LRRC14: variants seen among roughly 807,000 people sequenced by gnomAD.
LRRC14 encodes the protein leucine rich repeat containing 14.
In LRRC14, 16 loss-of-function variants were observed where a neutral mutation model predicts 25.3. The ratio of observed to expected loss-of-function variants is 0.63; its 90% CI spans 0.43 to 0.96. The LOEUF (loss-of-function observed/expected upper bound fraction) is 0.96, where lower values mean the gene tolerates loss of function less well. Ranked by LOEUF, LRRC14 falls within the 40% of genes least tolerant of loss-of-function variation. The pLI is 0.00. For missense variants in LRRC14, 594 were observed against 660.5 expected, an observed-to-expected ratio of 0.90 and a Z score of 1.10; for synonymous variants, 359 against 295.1, an observed-to-expected ratio of 1.22 and a Z score of -2.22.
chr8:144,519,896 G>A lies in LRRC14; in HGVS notation c.171G>A (p.Pro57=), dbSNP rs140702712. 2.1e-5 allele frequency: 34 copies of A among 1,613,280 alleles called. No individual in the cohort carries two copies. The highest frequency in any genetic ancestry group is 1.9e-4 in the South Asian group (17 of 91,088). ...AGTTGGTACACACGTGGCCCTTCCCGCTGCTCAGTTTCCAGCAGCTGCTAC... is the reference window on the plus strand; with the variant it reads ...AGTTGGTACACACGTGGCCCTTCCCACTGCTCAGTTTCCAGCAGCTGCTAC... The part of the protein sequence containing the change: ...LRELVHTWPF[P]LLSFQQLLQE... The change falls in exon 2 of 4, where the codon CCG becomes CCA. Residue 57 remains proline (P), a synonymous_variant. Coordinates refer to ENST00000292524, the MANE Select transcript of LRRC14 (RefSeq NM_014665.4).
chr8:144,520,183 G>A, intron 2 of LRRC14, 55 bp from the exon 3 acceptor site: 3 of 1,580,514 alleles, frequency 1.9e-6, no homozygotes, highest in Non-Finnish European at 1.7e-6. Flanking sequence ...AGGTGGCTGG[G>A]AGGGGGTATG....
chr8:144,522,510 C>T lies in LRRC14; in HGVS notation c.*1032C>T, dbSNP rs771935827. 36 of 1,498,710 alleles carry T rather than the reference C, an allele frequency of 2.4e-5. 1 individual carries two copies. In the South Asian group the frequency reaches 4.6e-4, roughly 19 times the overall value. 92.8% of individuals were successfully genotyped at this position (1,498,710 alleles called of 1,614,324 possible). A position where few individuals can be genotyped will look rare whatever the true frequency, so the allele number is the denominator to read the frequency against. ...ATCTCGTAGGCGACCGGCGGGGGCA[C>T]GCGGAGTCCCGGCCCCGCCCCCTGT... On this transcript the variant is annotated 3_prime_UTR_variant, in exon 4 of 4. Coordinates refer to ENST00000292524, the MANE Select transcript of LRRC14 (RefSeq NM_014665.4).
Position 144,522,620 on chromosome 8 carries a change from C to T in LRRC14, c.*1142C>T, listed in dbSNP as rs767033227. On this transcript the variant is annotated 3_prime_UTR_variant, in exon 4 of 4. Transcript: ENST00000292524. ...GTTGATGACGAACATCTCGTGGCCG[C>T]GCTCGTCGCGGAGCTCCTCTAGCTG... is the stretch of plus-strand genomic sequence containing the variant. The T allele has an allele frequency of 8.3e-6, 13 of 1,573,484 alleles. No homozygotes were observed. The South Asian group carries it at 1.4e-4, about 17-fold the overall frequency.
chr8:144,523,165 G>A lies in LRRC14; in HGVS notation c.*1687G>A. The A allele has an allele frequency of 6.2e-7, 1 of 1,610,534 alleles. No homozygotes were observed. Among genetic ancestry groups the A allele is most frequent in the Non-Finnish European group, 8.5e-7 (1 of 1,179,130 alleles). The stretch of plus-strand genomic sequence containing the variant: ...AGGTCACCAATGGCTGCGGGTAGCC[G>A]GAGGCTTGGCAGGCAACCCGCAGGT... On this transcript the variant is annotated 3_prime_UTR_variant, in exon 4 of 4. Transcript: ENST00000292524.
In LRRC14 at chr8:144,522,239, C is replaced by CCA; in HGVS notation, c.*762_*763insAC. The CCA allele has an allele frequency of 1.9e-6, 1 of 515,124 alleles. No individual in the cohort carries two copies. Among genetic ancestry groups the CCA allele is most frequent in the Non-Finnish European group, 3.1e-6 (1 of 322,640 alleles). The allele number at this position is 515,124 out of a possible 1,614,324, so 31.9% of individuals were successfully genotyped here. A position where few individuals can be genotyped will look rare whatever the true frequency, so the allele number is the denominator to read the frequency against. On this transcript the variant is annotated 3_prime_UTR_variant, in exon 4 of 4. Transcript: ENST00000292524. ...CCGGCCAGGGCCAGCGAGGGACCCC[C>CCA]CCCATGCAGAGCTGGAGGTTGGGGT...
In LRRC14 at chr8:144,521,979, C is replaced by CG. The variant is rs945903169; in HGVS notation, c.*504dup. The CG allele has an allele frequency of 5.7e-6, 1 of 174,590 alleles. No homozygotes were observed. The highest frequency in any genetic ancestry group is 2.4e-5 in the African/African-American group (1 of 42,028). 10.8% of individuals were successfully genotyped at this position (174,590 alleles called of 1,614,324 possible). Reference sequence around the variant, plus strand: ...CCCAGCCACCCCACTGGGCTGGGCTCGGGCTGGAGGGGGTCATCAAGGTAC... The same window carrying CG: ...CCCAGCCACCCCACTGGGCTGGGCTCGGGGCTGGAGGGGGTCATCAAGGTAC... On this transcript the variant is annotated 3_prime_UTR_variant, in exon 4 of 4. Transcript: ENST00000292524.
At position 144,523,157 on chromosome 8, in the gene LRRC14, G is replaced by A. The variant is rs1816196066; in HGVS notation, c.*1679G>A. 1 of 1,610,880 alleles carries A rather than the reference G, an allele frequency of 6.2e-7. No individual in the cohort carries two copies. The highest frequency in any genetic ancestry group is 2.2e-5 in the East Asian group (1 of 44,800). On this transcript the variant is annotated 3_prime_UTR_variant, in exon 4 of 4. Coordinates refer to ENST00000292524, the MANE Select transcript of LRRC14 (RefSeq NM_014665.4). ...CTTTCTCCAGGTCACCAATGGCTGC[G>A]GGTAGCCGGAGGCTTGGCAGGCAAC... is the stretch of plus-strand genomic sequence containing the variant.
intron 1 of LRRC14, chr8:144,518,386 G>A (rs1265890409): frequency 6.6e-6 from 1 of 152,278 alleles, no homozygotes; most frequent in African/African-American, 2.4e-5. Context: ...CGAAACGCAG[G>A]CGACCGAGGA....
In LRRC14 at chr8:144,522,976, G is replaced by C. The variant is rs141989296; in HGVS notation, c.*1498G>C. The C allele has an allele frequency of 6.9e-4, 1,098 of 1,589,524 alleles. 13 individuals carry two copies. The African/African-American group carries it at 0.012, about 17-fold the overall frequency. On this transcript the variant is annotated 3_prime_UTR_variant, in exon 4 of 4. Coordinates refer to ENST00000292524, the MANE Select transcript of LRRC14 (RefSeq NM_014665.4). ...CGCGGGCAGCGCCGCCGGCGTTGGA[G>C]GCCTCGCACTCGTACTTACCGGCGT...
Position 144,524,338 on chromosome 8 carries a change from CTTCTT to C in LRRC14, c.*2861_*2865del. The C allele has an allele frequency of 1.9e-6, 3 of 1,599,582 alleles. No homozygotes were observed. In the South Asian group the frequency reaches 3.3e-5, roughly 18 times the overall value. On this transcript the variant is annotated 3_prime_UTR_variant, in exon 4 of 4. Transcript: ENST00000292524. ...GCGCCGAGGTTGGGGGCATGTCTCT[CTTCTT>C]ACCAAGCTAGACTGGGTTGCCTTTT... is the stretch of plus-strand genomic sequence containing the variant.
chr8:144,524,942 C>A lies in LRRC14; in HGVS notation c.*3464C>A. Reference sequence around the variant, plus strand: ...CGCGGAGCGGCAGTAGTAGCAGCAGCAGCGGCAGCAGTGCGGGGGCCCTCA... The same window carrying A: ...CGCGGAGCGGCAGTAGTAGCAGCAGAAGCGGCAGCAGTGCGGGGGCCCTCA... On this transcript the variant is annotated 3_prime_UTR_variant, in exon 4 of 4. Coordinates refer to ENST00000292524, the MANE Select transcript of LRRC14 (RefSeq NM_014665.4). The A allele has an allele frequency of 2.3e-5, 35 of 1,506,114 alleles. No individual in the cohort carries two copies. Among genetic ancestry groups the A allele is most frequent in the Non-Finnish European group, 3.1e-5 (35 of 1,129,094 alleles). The allele number at this position is 1,506,114 out of a possible 1,614,324, so 93.3% of individuals were successfully genotyped here.
chr8:144,525,003 T>C lies in LRRC14; in HGVS notation c.*3525T>C. Reference sequence around the variant, plus strand: ...CCGAGGCCCGGTTCCTCACCGGCCCTTCCGCGGTTCAGCCGCAGACGCGTG... The same window carrying C: ...CCGAGGCCCGGTTCCTCACCGGCCCCTCCGCGGTTCAGCCGCAGACGCGTG... On this transcript the variant is annotated 3_prime_UTR_variant, in exon 4 of 4. Coordinates refer to ENST00000292524, the MANE Select transcript of LRRC14 (RefSeq NM_014665.4). 7.0e-7 allele frequency: 1 copy of C among 1,418,806 alleles called. No homozygotes were observed. Among genetic ancestry groups the C allele is most frequent in the South Asian group, 1.5e-5 (1 of 67,438 alleles). The allele number at this position is 1,418,806 out of a possible 1,614,324, so 87.9% of individuals were successfully genotyped here. A position where few individuals can be genotyped will look rare whatever the true frequency, so the allele number is the denominator to read the frequency against.
At position 144,521,505 on chromosome 8, in the gene LRRC14, C is replaced by A. The variant is rs1816057091; in HGVS notation, c.*27C>A. 1 of 1,574,942 alleles carries A rather than the reference C, an allele frequency of 6.3e-7. No individual in the cohort carries two copies. Among genetic ancestry groups the A allele is most frequent in the African/African-American group, 1.3e-5 (1 of 74,508 alleles). On this transcript the variant is annotated 3_prime_UTR_variant, in exon 4 of 4. Transcript: ENST00000292524. ...GAAGTAGCTCTGGGTGAGACACAGG[C>A]CGCCCTGCAGTCTCTTTAGGTAGGC...
rs771464235 is a variant in LRRC14, at chr8:144,522,668, A to G, written c.*1190A>G. Reference sequence around the variant, plus strand: ...CTGTGCGAACGTACAGGGGCCGTCCAAGTAGTCGTTGACGAACAGCGCTCC... The same window carrying G: ...CTGTGCGAACGTACAGGGGCCGTCCGAGTAGTCGTTGACGAACAGCGCTCC... On this transcript the variant is annotated 3_prime_UTR_variant, in exon 4 of 4. Coordinates refer to ENST00000292524, the MANE Select transcript of LRRC14 (RefSeq NM_014665.4). The G allele has an allele frequency of 1.9e-6, 3 of 1,594,744 alleles. No homozygotes were observed. Among genetic ancestry groups the G allele is most frequent in the African/African-American group, 1.4e-5 (1 of 73,332 alleles).
In LRRC14 at chr8:144,521,477, G is replaced by A; in HGVS notation, c.1481G>A (p.Ter494=). ...GRLAADYFSL[*] The stretch of plus-strand genomic sequence containing the variant: ...CTGGCTGCGGACTACTTCAGCCTAT[G>A]ATGAAGTAGCTCTGGGTGAGACACA... The change falls in exon 4 of 4, where the codon TGA becomes TAA. Residue 494 remains the stop codon, a stop_retained_variant. Coordinates refer to ENST00000292524, the MANE Select transcript of LRRC14 (RefSeq NM_014665.4). The A allele has an allele frequency of 6.3e-7, 1 of 1,595,056 alleles. No homozygotes were observed. The highest frequency in any genetic ancestry group is 8.5e-7 in the Non-Finnish European group (1 of 1,175,184).
chr8:144,524,562 G>A lies in LRRC14; in HGVS notation c.*3084G>A, dbSNP rs745706402. 9 of 1,568,542 alleles carry A rather than the reference G, an allele frequency of 5.7e-6. No individual in the cohort carries two copies. Among genetic ancestry groups the A allele is most frequent in the African/African-American group, 1.3e-5 (1 of 74,190 alleles). On this transcript the variant is annotated 3_prime_UTR_variant, in exon 4 of 4. Transcript: ENST00000292524. ...GCGCAAGCCGCGCAGCCGGTTGCTA[G>A]TGAGCGCCAGCTCCAGCAGGCGCGG...
chr8:144,519,390 C>T (rs965234086), intron 1 of LRRC14: 1 of 423,760 alleles, frequency 2.4e-6, no homozygotes, highest in Non-Finnish European at 4.4e-6. Flanking sequence ...CCATGGGGGG[C>T]CCTGCAAGGC....
chr8:144,522,589 G>A lies in LRRC14; in HGVS notation c.*1111G>A, dbSNP rs1321828380. On this transcript the variant is annotated 3_prime_UTR_variant, in exon 4 of 4. Coordinates refer to ENST00000292524, the MANE Select transcript of LRRC14 (RefSeq NM_014665.4). ...CCGGACCCTCGGCGAAGAGCGGCTT[G>A]GAGCGGTTGATGACGAACATCTCGT... The A allele has an allele frequency of 6.4e-7, 1 of 1,561,992 alleles. No individual in the cohort carries two copies. Among genetic ancestry groups the A allele is most frequent in the South Asian group, 1.2e-5 (1 of 85,218 alleles).
Position 144,522,509 on chromosome 8 carries a change from A to T in LRRC14, c.*1031A>T. 2 of 1,497,610 alleles carry T rather than the reference A, an allele frequency of 1.3e-6. No individual in the cohort carries two copies. Among genetic ancestry groups the T allele is most frequent in the African/African-American group, 2.9e-5 (2 of 69,134 alleles). 92.8% of individuals were successfully genotyped at this position (1,497,610 alleles called of 1,614,324 possible). A position where few individuals can be genotyped will look rare whatever the true frequency, so the allele number is the denominator to read the frequency against. ...GATCTCGTAGGCGACCGGCGGGGGC[A>T]CGCGGAGTCCCGGCCCCGCCCCCTG... is the stretch of plus-strand genomic sequence containing the variant. On this transcript the variant is annotated 3_prime_UTR_variant, in exon 4 of 4. Transcript: ENST00000292524.
Sources: allele counts gnomAD v4.1 joint callset, GRCh38; gene constraint gnomAD v4.1.1; transcripts MANE v1.5; gene names NCBI Gene and HGNC (gene_info 2026-07-23, HGNC 2026-07-21).